The following BTBD1 variants were observed in gnomAD, a reference collection of about 807,000 sequenced individuals.
The protein encoded by BTBD1 is BTB/POZ domain-containing protein 1.
Under a neutral mutation model 48.0 loss-of-function variants are expected in BTBD1, and 34 were observed. That is an observed-to-expected ratio of 0.71 (90% CI 0.54 to 0.94). The LOEUF (loss-of-function observed/expected upper bound fraction) is 0.94. Ranked by LOEUF, BTBD1 falls within the 40% of genes least tolerant of loss-of-function variation. The pLI, the probability that BTBD1 is intolerant of heterozygous loss-of-function variation, is 0.00. For missense variants in BTBD1, 543 were observed against 625.6 expected (o/e 0.87, Z 1.41); for synonymous variants, 261 against 242.1 (o/e 1.08, Z -0.72).
At chr15:83,050,789 GAACA>G (rs2151310457) in intron 2 of BTBD1, among the ~76,000 whole-genome samples, 1 of 151,976 alleles carries the variant, frequency 6.6e-6, no homozygotes, top group African/African-American at 2.4e-5. Context: ...AACAACACAA[GAACA>G]AATACATAAA....
At position 83,032,553 on chromosome 15, in the gene BTBD1, T is replaced by C. The variant is rs1293856924; in HGVS notation, c.863-2225A>G. ...CATGGAATACTACTCAGCCATAAAA[T>C]GGAACGAAACAAAGGCTTTTGCAGC... On this transcript the variant is annotated intron_variant, in intron 4 of 7. Transcript: ENST00000261721. 3.9e-5 allele frequency among the ~76,000 whole-genome samples: 6 copies of C among 152,132 alleles called. 1 individual carries two copies. In the South Asian group the frequency reaches 1.0e-3, roughly 26 times the overall value.
At position 83,030,344 on chromosome 15, in the gene BTBD1, C is replaced by T. The variant is rs1203714245; in HGVS notation, c.863-16G>A. 1 of 1,585,448 alleles carries T rather than the reference C, an allele frequency of 6.3e-7. No homozygotes were observed. Among genetic ancestry groups the T allele is most frequent in the Non-Finnish European group, 8.6e-7 (1 of 1,164,182 alleles). On this transcript the variant is annotated splice_polypyrimidine_tract_variant and intron_variant, in intron 4 of 7. Coordinates refer to ENST00000261721, the MANE Select transcript of BTBD1 (RefSeq NM_025238.4). ...TGAGCAGGACCTGTGGAAATAAAAA[C>T]ATAAGCCTAAAAAAAGGAATTTGAT... is the stretch of plus-strand genomic sequence containing the variant.
rs1224572482 is a variant in BTBD1, at chr15:83,030,122, A to G, written c.1055+14T>C. 1.9e-6 allele frequency: 3 copies of G among 1,613,160 alleles called. No individual in the cohort carries two copies. Among genetic ancestry groups the G allele is most frequent in the South Asian group, 2.2e-5 (2 of 91,058 alleles). Reference sequence around the variant, plus strand: ...ACCCCCACTCTACCCCCGCATCCCCAATATAACAGATACCTGATTCGATCA... The same window carrying G: ...ACCCCCACTCTACCCCCGCATCCCCGATATAACAGATACCTGATTCGATCA... On this transcript the variant is annotated intron_variant, in intron 5 of 7. Coordinates refer to ENST00000261721, the MANE Select transcript of BTBD1 (RefSeq NM_025238.4).
rs1283525934 is a variant in BTBD1, at chr15:83,017,059, TG to T, written c.*1007del. 6.6e-6 allele frequency: 1 copy of T among 152,648 alleles called. No homozygotes were observed. Among genetic ancestry groups the T allele is most frequent in the Non-Finnish European group, 1.5e-5 (1 of 68,040 alleles). 9.5% of individuals were successfully genotyped at this position (152,648 alleles called of 1,614,324 possible). ...ATATACTTCCTATCCCCAACACAGC[TG>T]TAACACTGACTAATGGGGTCATGAC... On this transcript the variant is annotated 3_prime_UTR_variant, in exon 8 of 8. Coordinates refer to ENST00000261721, the MANE Select transcript of BTBD1 (RefSeq NM_025238.4).
intron 4 of BTBD1, among the ~76,000 whole-genome samples, chr15:83,040,078 CA>C (rs2032721086): frequency 6.6e-6 from 1 of 152,038 alleles, no homozygotes; most frequent in African/African-American, 2.4e-5. Flanking sequence ...ATGCCTTTCG[CA>C]GCAACATGGA....
At chr15:83,054,010 T>C (rs148957995) in intron 2 of BTBD1, among the ~76,000 whole-genome samples, 61 of 152,350 alleles carry the variant, frequency 4.0e-4, no homozygotes, top group African/African-American at 1.4e-3. Context: ...CGTTAACTTC[T>C]GTAAGCTTCC....
At chr15:83,050,262 A>G (rs2032954546) in intron 2 of BTBD1, 84 bp from the exon 3 acceptor site, 2 of 718,408 alleles carry the variant, frequency 2.8e-6, no homozygotes, top group South Asian at 2.5e-5. Flanking sequence ...TATTGTCAAC[A>G]GTTATAATTG....
chr15:83,056,326 C>A, intron 2 of BTBD1, 63 bp downstream of exon 2: 1 of 1,085,142 alleles, frequency 9.2e-7, no homozygotes, highest in South Asian at 1.4e-5. Flanking sequence ...ATATTAAATG[C>A]CCATATATAG....
At position 83,050,113 on chromosome 15, in the gene BTBD1, C is replaced by T. The variant is rs1475452232; in HGVS notation, c.624G>A (p.Met208Ile). ...TAAACCCTTCTGCACTTATTGCATCCATTGTGCTTTTGTCTATTGTATCTA... is the reference window on the plus strand; with the variant it reads ...TAAACCCTTCTGCACTTATTGCATCTATTGTGCTTTTGTCTATTGTATCTA... ...LCLDTIDKST[M>I]DAISAEGFTD... is the part of the protein sequence containing the mutation. The change falls in exon 3 of 8, where the codon ATG becomes ATA. Residue 208 changes from methionine to isoleucine, a missense_variant. Around this residue, in one of 3 missense-constraint regions of BTBD1, gnomAD observed 300 missense variants for 350.0 expected, o/e 0.86. Coordinates refer to ENST00000261721, the MANE Select transcript of BTBD1 (RefSeq NM_025238.4). 6.2e-7 allele frequency: 1 copy of T among 1,612,986 alleles called. No individual in the cohort carries two copies. Among genetic ancestry groups the T allele is most frequent in the Non-Finnish European group, 8.5e-7 (1 of 1,179,478 alleles).
At chr15:83,060,652 G>T (rs2033161805) in intron 1 of BTBD1, among the ~76,000 whole-genome samples, 1 of 152,062 alleles carries the variant, frequency 6.6e-6, no homozygotes, top group Admixed American at 6.6e-5. Flanking sequence ...AAATTAGCCA[G>T]GCGTGGTGGC....
chr15:83,066,285 G>A (rs944605917), intron 1 of BTBD1, among the ~76,000 whole-genome samples: 13 of 152,068 alleles, frequency 8.5e-5, no homozygotes, highest in African/African-American at 3.1e-4. Context: ...GGGCAACAGA[G>A]CAAGACCTTG....
intron 3 of BTBD1, among the ~76,000 whole-genome samples, chr15:83,046,290 A>G (rs2032876386): frequency 6.6e-6 from 1 of 152,224 alleles, no homozygotes; most frequent in African/African-American, 2.4e-5. Context: ...ATTAATTACC[A>G]ATTTTTAACA....
chr15:83,051,859 A>ATT lies in BTBD1; in HGVS notation c.559-1683_559-1682dup, dbSNP rs11370259. Among the ~76,000 whole-genome samples, 630 of 118,828 alleles carry ATT rather than the reference A, an allele frequency of 5.3e-3. 5 individuals carry two copies. Among genetic ancestry groups the ATT allele is most frequent in the Non-Finnish European group, 8.9e-3 (488 of 54,902 alleles). The allele number at this position is 118,828 out of a possible 152,430, so 78.0% of individuals were successfully genotyped here. ...ATTTAACATTTTGCCTCATTTATTA[A>ATT]TTTTTTTTCCATATATATACACACA... On this transcript the variant is annotated intron_variant, in intron 2 of 7. Transcript: ENST00000261721.
Position 83,066,858 on chromosome 15 carries a change from C to T in BTBD1, c.294G>A (p.Ala98=). The T allele has an allele frequency of 6.8e-7, 1 of 1,460,686 alleles. No individual in the cohort carries two copies. Among genetic ancestry groups the T allele is most frequent in the Non-Finnish European group, 9.0e-7 (1 of 1,109,776 alleles). 90.5% of individuals were successfully genotyped at this position (1,460,686 alleles called of 1,614,324 possible). A position where few individuals can be genotyped will look rare whatever the true frequency, so the allele number is the denominator to read the frequency against. ...QRIPAHRFVL[A]AGSAVFDAMF... ...TGGCGTCAAAGACGGCGCTGCCGGC[C>T]GCCAGCACGAAGCGGTGGGCGGGGA... Residue 98 remains alanine (A), a synonymous_variant, in exon 1 of 8, where the codon GCG becomes GCA. Transcript: ENST00000261721.
chr15:83,046,277 T>G (rs556003354), intron 3 of BTBD1, among the ~76,000 whole-genome samples: 113 of 152,302 alleles, frequency 7.4e-4, no homozygotes, highest in African/African-American at 2.6e-3. Context: ...AAAATGTTTT[T>G]TAATTAATTA....
chr15:83,054,201 G>C (rs995620903), intron 2 of BTBD1, among the ~76,000 whole-genome samples: 1 of 152,038 alleles, frequency 6.6e-6, no homozygotes, highest in Non-Finnish European at 1.5e-5. Flanking sequence ...AGCCAGGCGT[G>C]GTGGTACGCA....
At chr15:83,047,757 G>A (rs1055950210) in intron 3 of BTBD1, among the ~76,000 whole-genome samples, 5 of 152,124 alleles carry the variant, frequency 3.3e-5, no homozygotes, top group Non-Finnish European at 5.9e-5. Context: ...TTATATGAGC[G>A]TGAAATAAAC....
chr15:83,033,944 C>T (rs1314191119), intron 4 of BTBD1, among the ~76,000 whole-genome samples: 3 of 151,428 alleles, frequency 2.0e-5, no homozygotes, highest in African/African-American at 4.8e-5. Context: ...ATAACAAGGG[C>T]AACCCACTAA....
chr15:83,055,002 G>A (rs921302465), intron 2 of BTBD1, among the ~76,000 whole-genome samples: 4 of 152,106 alleles, frequency 2.6e-5, no homozygotes, highest in African/African-American at 7.2e-5. Context: ...AAAATGAGAG[G>A]GTTGAGCTAG....
Sources: gnomAD v4.1 joint callset for allele counts (sites outside exome capture counted in the v4.1 genomes callset) on GRCh38, gnomAD v4.1.1 for gene constraint, gnomAD v4.1.1 regional missense constraint, MANE v1.5 for transcripts, NCBI Gene and HGNC (gene_info 2026-07-23, HGNC 2026-07-21) for gene names.